Variants in DOCK4 observed in about 807,000 individuals in gnomAD.
DOCK4 encodes dedicator of cytokinesis 4.
Under a neutral mutation model 268.1 loss-of-function variants are expected in DOCK4, and 97 were observed. The observed-to-expected ratio is 0.36, with a 90% CI of 0.31 to 0.43. DOCK4 has a LOEUF of 0.43. DOCK4 is among the 20% of genes least tolerant of loss of function. The probability of loss-of-function intolerance (pLI) is 1.00; values close to 1 mark genes in which losing one functional copy is unlikely to be tolerated. For missense variants in DOCK4, 2,145 were observed against 2,455.7 expected, an observed-to-expected ratio of 0.87 and a Z score of 2.67; for synonymous variants, 954 against 887.2, an observed-to-expected ratio of 1.08 and a Z score of -1.34.
At chr7:111,889,141 T>C (rs1808084251) in intron 16 of DOCK4, among the ~76,000 whole-genome samples, 1 of 152,190 alleles carries the variant, frequency 6.6e-6, no homozygotes, top group African/African-American at 2.4e-5. Flanking sequence ...TTCCCCCCAC[T>C]GTTCAGCTTA....
intron 16 of DOCK4, among the ~76,000 whole-genome samples, chr7:111,879,781 TG>T (rs1807223884): frequency 6.6e-6 from 1 of 152,182 alleles, no homozygotes; most frequent in African/African-American, 2.4e-5. Context: ...GCAACTGACA[TG>T]CTGACGAATG....
intron 1 of DOCK4, among the ~76,000 whole-genome samples, chr7:112,057,470 G>A (rs1372565746): frequency 6.6e-6 from 1 of 151,728 alleles, no homozygotes; most frequent in Non-Finnish European, 1.5e-5. Context: ...AGGATCACCT[G>A]AGCACAAGGG....
intron 16 of DOCK4, among the ~76,000 whole-genome samples, chr7:111,884,691 G>A (rs1037302692): frequency 6.6e-6 from 1 of 152,122 alleles, no homozygotes; most frequent in Non-Finnish European, 1.5e-5. Flanking sequence ...CATGCAGGGA[G>A]CAAAAGGGAT....
intron 16 of DOCK4, among the ~76,000 whole-genome samples, chr7:111,880,965 T>C (rs1335330232): frequency 1.3e-5 from 2 of 152,148 alleles, no homozygotes; most frequent in African/African-American, 4.8e-5. Context: ...GACCTCAAAC[T>C]ATGAAACTAC....
intron 22 of DOCK4, among the ~76,000 whole-genome samples, chr7:111,865,951 G>A (rs1805942023): frequency 6.6e-6 from 1 of 152,212 alleles, no homozygotes; most frequent in African/African-American, 2.4e-5. Flanking sequence ...AGCATTAAAA[G>A]ATCATGAAAG....
At chr7:112,197,909 G>GT (rs1409052674) in intron 1 of DOCK4, among the ~76,000 whole-genome samples, 16 of 145,256 alleles carry the variant, frequency 1.1e-4, no homozygotes, top group African/African-American at 4.1e-4. Context: ...AAAATTGCAG[G>GT]TATCTCAAAC....
chr7:112,123,844 A>G (rs1010342632), intron 1 of DOCK4, among the ~76,000 whole-genome samples: 7 of 152,150 alleles, frequency 4.6e-5, no homozygotes, highest in Non-Finnish European at 7.4e-5. Flanking sequence ...TAAAGAATAT[A>G]TCCTAAATCT....
chr7:112,122,553 T>C (rs947368657), intron 1 of DOCK4, among the ~76,000 whole-genome samples: 5 of 152,166 alleles, frequency 3.3e-5, no homozygotes, highest in African/African-American at 1.2e-4. Flanking sequence ...TTACAAGCGT[T>C]AGCCACCACG....
At chr7:112,029,563 G>C (rs1803098895) in intron 1 of DOCK4, among the ~76,000 whole-genome samples, 1 of 152,224 alleles carries the variant, frequency 6.6e-6, no homozygotes, top group African/African-American at 2.4e-5. Context: ...GATGAGAACT[G>C]TTAGTAACCC....
chr7:111,930,540 C>T (rs1794113994), intron 12 of DOCK4, among the ~76,000 whole-genome samples: 1 of 152,068 alleles, frequency 6.6e-6, no homozygotes, highest in South Asian at 2.1e-4. Flanking sequence ...TGGGGAAAAA[C>T]AGTACTTTTT....
intron 39 of DOCK4, among the ~76,000 whole-genome samples, chr7:111,763,694 G>T (rs1056669613): frequency 6.6e-6 from 1 of 151,794 alleles, no homozygotes; most frequent in African/African-American, 2.4e-5. Context: ...ACCCTGCTGC[G>T]CAATCCCCAG....
At chr7:112,047,713 G>A (rs899317734) in intron 1 of DOCK4, among the ~76,000 whole-genome samples, 5 of 152,142 alleles carry the variant, frequency 3.3e-5, no homozygotes, top group Non-Finnish European at 7.4e-5. Flanking sequence ...ATTGGAGATG[G>A]AGTCTTGCTC....
At chr7:112,089,786 C>T (rs967771110) in intron 1 of DOCK4, among the ~76,000 whole-genome samples, 32 of 152,264 alleles carry the variant, frequency 2.1e-4, no homozygotes, top group African/African-American at 7.5e-4. Context: ...CTTCCCCTTC[C>T]GCCATGATGA....
chr7:111,909,768 C>T (rs1238589381), intron 13 of DOCK4, among the ~76,000 whole-genome samples: 1 of 151,824 alleles, frequency 6.6e-6, no homozygotes, highest in Non-Finnish European at 1.5e-5. Flanking sequence ...TCAAGACCAG[C>T]CTGGGCAACA....
Position 111,935,559 on chromosome 7 carries a change from G to A in DOCK4, c.1047C>T (p.Asn349=). 1 of 1,613,366 alleles carries A rather than the reference G, an allele frequency of 6.2e-7. No individual in the cohort carries two copies. The highest frequency in any genetic ancestry group is 1.6e-4 in the Middle Eastern group (1 of 6,062). Residue 349 remains asparagine (N), a synonymous_variant, in exon 12 of 53, where the codon AAC becomes AAT. Coordinates refer to ENST00000428084, the MANE Select transcript of DOCK4 (RefSeq NM_001363540.2). ...ACTCACCTGCATTGGAGCCAGTCAA[G>A]TTATAACGTGCATTCAGCTTTTTGA... ...NIIKKLNARY[N]LTGSNAGLAV... is the part of the protein sequence containing the mutation.
chr7:112,075,295 A>C (rs1366208883), intron 1 of DOCK4, among the ~76,000 whole-genome samples: 1 of 152,154 alleles, frequency 6.6e-6, no homozygotes, highest in African/African-American at 2.4e-5. Context: ...AAGAGAGGCA[A>C]GACTGGAGGA....
At chr7:111,880,987 A>G (rs1807334326) in intron 16 of DOCK4, among the ~76,000 whole-genome samples, 1 of 152,240 alleles carries the variant, frequency 6.6e-6, no homozygotes, top group African/African-American at 2.4e-5. Flanking sequence ...GTAAGAAAAC[A>G]TCAGAGAAAC....
intron 35 of DOCK4, among the ~76,000 whole-genome samples, chr7:111,780,101 C>T (rs954913576): frequency 2.6e-5 from 4 of 152,058 alleles, no homozygotes; most frequent in African/African-American, 4.8e-5. Flanking sequence ...AATAATGGAC[C>T]GATCTAGCAA....
intron 28 of DOCK4, 44 bp downstream of exon 28, chr7:111,811,830 A>AT: frequency 8.6e-7 from 1 of 1,164,916 alleles, no homozygotes; most frequent in Non-Finnish European, 1.2e-6. Flanking sequence ...ATACAATGTG[A>AT]TTCTTTTAGC....
Sources: gnomAD v4.1 joint callset for allele counts (sites outside exome capture counted in the v4.1 genomes callset) on GRCh38, gnomAD v4.1.1 for gene constraint, MANE v1.5 for transcripts, NCBI Gene and HGNC (gene_info 2026-07-23, HGNC 2026-07-21) for gene names.